Variants in CAMK4 observed in about 807,000 individuals in gnomAD.
The protein encoded by CAMK4 is calcium/calmodulin-dependent protein kinase type IV.
In CAMK4, 22 loss-of-function variants were observed where a neutral mutation model predicts 44.9. The observed-to-expected ratio is 0.49, with a 90% CI of 0.35 to 0.70. The LOEUF (loss-of-function observed/expected upper bound fraction) is 0.70. Among genes scored for constraint, CAMK4 ranks in the 30% least tolerant of loss-of-function variants. CAMK4 has a pLI of 0.01. For synonymous variants in CAMK4, 218 were observed against 215.4 expected (o/e 1.01, Z -0.11); for missense variants, 498 against 586.8 (o/e 0.85, Z 1.56).
chr5:111,308,385 A>T (rs552050768), intron 1 of CAMK4, among the ~76,000 whole-genome samples: 15 of 152,334 alleles, frequency 9.8e-5, no homozygotes, highest in Admixed American at 9.8e-4. Context: ...AAACATATAA[A>T]ATAGGTGGTG....
chr5:111,415,746 G>C (rs1752792051), intron 5 of CAMK4, among the ~76,000 whole-genome samples: 1 of 152,048 alleles, frequency 6.6e-6, no homozygotes, highest in Non-Finnish European at 1.5e-5. Flanking sequence ...GATACAGTGG[G>C]TCCTCTGTAC....
chr5:111,309,181 G>A (rs913607110), intron 1 of CAMK4, among the ~76,000 whole-genome samples: 1 of 152,192 alleles, frequency 6.6e-6, no homozygotes, highest in African/African-American at 2.4e-5. Context: ...CTTAACAATT[G>A]TTGTGCTTTG....
intron 1 of CAMK4, among the ~76,000 whole-genome samples, chr5:111,320,843 C>G (rs748051590): frequency 6.6e-5 from 10 of 152,316 alleles, no homozygotes; most frequent in Admixed American, 2.0e-4. Flanking sequence ...AGTGCATTGT[C>G]TTTCACATTT....
intron 2 of CAMK4, among the ~76,000 whole-genome samples, chr5:111,374,261 A>G (rs571052420): frequency 1.8e-4 from 28 of 152,148 alleles, no homozygotes; most frequent in Non-Finnish European, 3.4e-4. Flanking sequence ...ACTGTTCACT[A>G]TTAGAAGCAG....
chr5:111,382,395 G>T (rs1012578389), intron 4 of CAMK4, among the ~76,000 whole-genome samples: 2 of 152,136 alleles, frequency 1.3e-5, no homozygotes, highest in South Asian at 4.1e-4. Flanking sequence ...TGGAGTTGTA[G>T]TATGGTTGGT....
intron 7 of CAMK4, among the ~76,000 whole-genome samples, chr5:111,458,051 G>A (rs1754482314): frequency 6.6e-6 from 1 of 152,190 alleles, no homozygotes; most frequent in Admixed American, 6.5e-5. Context: ...TCAGGGAAGG[G>A]GAGAGGAAGT....
chr5:111,307,951 G>A (rs1307283907), intron 1 of CAMK4, among the ~76,000 whole-genome samples: 1 of 75,202 alleles, frequency 1.3e-5, no homozygotes, highest in Non-Finnish European at 2.4e-5. Context: ...TCCTTTTTAG[G>A]GACATGGATG....
At chr5:111,446,456 C>T (rs1041596098) in intron 5 of CAMK4, among the ~76,000 whole-genome samples, 2 of 152,110 alleles carry the variant, frequency 1.3e-5, no homozygotes, top group Non-Finnish European at 2.9e-5. Flanking sequence ...ATATTTCATT[C>T]TGGGAATAGA....
intron 1 of CAMK4, among the ~76,000 whole-genome samples, chr5:111,294,586 A>T (rs1358919980): frequency 6.6e-6 from 1 of 152,140 alleles, no homozygotes; most frequent in Admixed American, 6.5e-5. Context: ...CAAGATGGTG[A>T]TATCTTATAA....
intron 5 of CAMK4, among the ~76,000 whole-genome samples, chr5:111,427,253 A>T (rs1753260033): frequency 6.6e-6 from 1 of 152,136 alleles, no homozygotes; most frequent in Non-Finnish European, 1.5e-5. Context: ...CTGGGCCAGA[A>T]GGGAACCTGA....
intron 4 of CAMK4, among the ~76,000 whole-genome samples, chr5:111,385,785 C>A (rs1751579057): frequency 6.6e-6 from 1 of 152,060 alleles, no homozygotes; most frequent in East Asian, 1.9e-4. Context: ...CTGTGTTAGC[C>A]AGGATACTCT....
chr5:111,239,504 A>G (rs1206484988), intron 1 of CAMK4, among the ~76,000 whole-genome samples: 2 of 152,204 alleles, frequency 1.3e-5, no homozygotes, highest in African/African-American at 4.8e-5. Flanking sequence ...GTTATCCAAG[A>G]AGGGAGATTT....
intron 5 of CAMK4, among the ~76,000 whole-genome samples, chr5:111,432,678 A>G (rs1199463303): frequency 6.7e-6 from 1 of 148,826 alleles, no homozygotes; most frequent in African/African-American, 2.5e-5. Context: ...ATATATATAT[A>G]TATACATTTA....
chr5:111,425,906 T>A (rs1217216252), intron 5 of CAMK4, among the ~76,000 whole-genome samples: 2 of 152,218 alleles, frequency 1.3e-5, no homozygotes, highest in Non-Finnish European at 1.5e-5. Flanking sequence ...ATACTTTTTT[T>A]AAACTATGTC....
At chr5:111,443,615 T>C (rs1412339487) in intron 5 of CAMK4, among the ~76,000 whole-genome samples, 1 of 152,050 alleles carries the variant, frequency 6.6e-6, no homozygotes, top group East Asian at 1.9e-4. Flanking sequence ...TTGTTGTTTT[T>C]GTTGCTGTTG....
chr5:111,470,330 A>G (rs1388289243), intron 7 of CAMK4, among the ~76,000 whole-genome samples: 2 of 152,230 alleles, frequency 1.3e-5, no homozygotes, highest in Non-Finnish European at 2.9e-5. Flanking sequence ...TTTTCTAGGA[A>G]TAATTCATCT....
At chr5:111,354,057 T>G (rs1334932369) in intron 2 of CAMK4, among the ~76,000 whole-genome samples, 1 of 152,098 alleles carries the variant, frequency 6.6e-6, no homozygotes, top group Non-Finnish European at 1.5e-5. Flanking sequence ...GGAAACAGCT[T>G]CTGTCTGTCA....
At chr5:111,343,397 C>G (rs924456503) in intron 1 of CAMK4, among the ~76,000 whole-genome samples, 5 of 151,670 alleles carry the variant, frequency 3.3e-5, no homozygotes, top group African/African-American at 4.8e-5. Flanking sequence ...CTCTTTTACT[C>G]TTTTGCTTCT....
intron 2 of CAMK4, among the ~76,000 whole-genome samples, chr5:111,347,509 T>C (rs1005305738): frequency 6.6e-6 from 1 of 151,970 alleles, no homozygotes; most frequent in African/African-American, 2.4e-5. Context: ...ATGCCTGAAA[T>C]CTCCCTAGAA....
Sources: gnomAD v4.1 joint callset for allele counts (sites outside exome capture counted in the v4.1 genomes callset) on GRCh38, gnomAD v4.1.1 for gene constraint, MANE v1.5 for transcripts, NCBI Gene and HGNC (gene_info 2026-07-23, HGNC 2026-07-21) for gene names.